SLC14A1: variants seen among roughly 807,000 people sequenced by gnomAD.
SLC14A1 encodes solute carrier family 14 member 1 (Kidd blood group).
SLC14A1 carries 36 observed loss-of-function variants against 39.6 expected under a neutral mutation model. That is an observed-to-expected ratio of 0.91 (90% CI 0.70 to 1.20). SLC14A1 has a LOEUF of 1.20. Among genes scored for constraint, SLC14A1 ranks in the 50% most tolerant of loss-of-function variants. SLC14A1 has a pLI of 0.00. For synonymous variants in SLC14A1, 164 were observed against 173.6 expected (o/e 0.94, Z 0.43); for missense variants, 469 against 478.7 (o/e 0.98, Z 0.19).
chr18:45,736,405 T>C (rs771482947), intron 5 of SLC14A1, 51 bp from the exon 6 acceptor site: 3 of 1,572,606 alleles, frequency 1.9e-6, no homozygotes, highest in Non-Finnish European at 2.6e-6. Flanking sequence ...CGATTCCGTG[T>C]GTCAGCCTGC....
chr18:45,739,090 G>A lies in SLC14A1; in HGVS notation c.664-73G>A, dbSNP rs2047280218. ...TGTCCAATCTAAAATTACATTGTAG[G>A]AGTTTGTGGGTGTCCTGTGGGTTTC... is the stretch of plus-strand genomic sequence containing the variant. On this transcript the variant is annotated intron_variant, in intron 6 of 9. Coordinates refer to ENST00000321925, the MANE Select transcript of SLC14A1 (RefSeq NM_015865.7). 3.4e-6 allele frequency: 5 copies of A among 1,458,220 alleles called. No homozygotes were observed. The East Asian group carries it at 1.1e-4, about 33-fold the overall frequency. 90.3% of individuals were successfully genotyped at this position (1,458,220 alleles called of 1,614,324 possible). A position where few individuals can be genotyped will look rare whatever the true frequency, so the allele number is the denominator to read the frequency against.
At chr18:45,733,164 G>A (rs1568034262) in intron 4 of SLC14A1, among the ~76,000 whole-genome samples, 2 of 152,256 alleles carry the variant, frequency 1.3e-5, no homozygotes, top group South Asian at 4.2e-4. Flanking sequence ...TTTGGGTGAC[G>A]AGTTCAATAG....
In SLC14A1 at chr18:45,734,254, C is replaced by G; in HGVS notation, c.342-20C>G. The G allele has an allele frequency of 6.2e-7, 1 of 1,613,776 alleles. No individual in the cohort carries two copies. The highest frequency in any genetic ancestry group is 8.5e-7 in the Non-Finnish European group (1 of 1,179,796). ...AAAGCTCACCCAGGAAATGTCCGTG[C>G]TGTGTCTCTTGCCCCACAGGTCATT... On this transcript the variant is annotated intron_variant, in intron 4 of 9. Coordinates refer to ENST00000321925, the MANE Select transcript of SLC14A1 (RefSeq NM_015865.7).
At chr18:45,736,902 CAGT>C (rs1279562507) in intron 6 of SLC14A1, among the ~76,000 whole-genome samples, 1 of 150,072 alleles carries the variant, frequency 6.7e-6, no homozygotes, top group Non-Finnish European at 1.5e-5. Context: ...CCCCAGAGTA[CAGT>C]TCCACTGGGA....
At chr18:45,734,101 C>A in intron 4 of SLC14A1, 173 bp from the exon 5 acceptor site, 1 of 771,880 alleles carries the variant, frequency 1.3e-6, no homozygotes, top group Non-Finnish European at 2.1e-6. Context: ...GTATATTTCA[C>A]TTCATGTCTT....
chr18:45,730,039 G>A (rs981814877), intron 2 of SLC14A1: 1 of 364,494 alleles, frequency 2.7e-6, no homozygotes, highest in Non-Finnish European at 5.0e-6. Flanking sequence ...CTTAGTAAAT[G>A]TTTGTTGGAC....
intron 2 of SLC14A1, chr18:45,727,053 C>T (rs1251177123): frequency 1.3e-5 from 7 of 523,722 alleles, no homozygotes; most frequent in Non-Finnish European, 2.4e-5. Flanking sequence ...CCATAGTCAG[C>T]TGCTGTCTTT....
chr18:45,744,543 A>C (rs1056497751), intron 8 of SLC14A1, among the ~76,000 whole-genome samples: 6 of 152,132 alleles, frequency 3.9e-5, no homozygotes, highest in Admixed American at 3.9e-4. Flanking sequence ...ATTCTTGTTA[A>C]AATTGATTTT....
Position 45,751,936 on chromosome 18 carries a change from G to T in SLC14A1, c.*1985G>T. 1.0e-6 allele frequency: 1 copy of T among 985,298 alleles called. No individual in the cohort carries two copies. 61.0% of individuals were successfully genotyped at this position (985,298 alleles called of 1,614,324 possible). On this transcript the variant is annotated 3_prime_UTR_variant, in exon 10 of 10. Transcript: ENST00000321925. Reference sequence around the variant, plus strand: ...TTCCACTTCTAGTTTGCAGTGCTCAGTGCACAATATACATTTTGCTGAATG... The same window carrying T: ...TTCCACTTCTAGTTTGCAGTGCTCATTGCACAATATACATTTTGCTGAATG...
At position 45,751,451 on chromosome 18, in the gene SLC14A1, G is replaced by A. The variant is rs761372170; in HGVS notation, c.*1500G>A. 39 of 984,430 alleles carry A rather than the reference G, an allele frequency of 4.0e-5. No individual in the cohort carries two copies. Among genetic ancestry groups the A allele is most frequent in the Non-Finnish European group, 4.7e-5 (39 of 829,822 alleles). 61.0% of individuals were successfully genotyped at this position (984,430 alleles called of 1,614,324 possible). ...CTTTAATTTTAAAGTTATCAGTTCC[G>A]TAAAGTCTCTGTAACCAAACATACT... On this transcript the variant is annotated 3_prime_UTR_variant, in exon 10 of 10. Coordinates refer to ENST00000321925, the MANE Select transcript of SLC14A1 (RefSeq NM_015865.7).
chr18:45,739,434 G>A (rs892583538), intron 7 of SLC14A1, 94 bp from the exon 8 acceptor site: 43 of 1,605,622 alleles, frequency 2.7e-5, no homozygotes, highest in Middle Eastern at 1.6e-4. Flanking sequence ...GGGAGTTCCC[G>A]GGATGCTTCC....
At chr18:45,741,691 C>T (rs1360224360) in intron 8 of SLC14A1, among the ~76,000 whole-genome samples, 2 of 152,202 alleles carry the variant, frequency 1.3e-5, no homozygotes, top group African/African-American at 2.4e-5. Flanking sequence ...TCTCCATATT[C>T]GTTCACAAGG....
Position 45,739,562 on chromosome 18 carries a change from C to T in SLC14A1, c.846C>T (p.Tyr282=). 1.2e-6 allele frequency: 2 copies of T among 1,614,186 alleles called. No individual in the cohort carries two copies. The highest frequency in any genetic ancestry group is 8.5e-7 in the Non-Finnish European group (1 of 1,180,016). ...LSLSAPFEDI[Y]FGLWGFNSSL... ...TTTCAGCCCCATTTGAGGACATCTACTTTGGACTCTGGGGTTTCAACAGCT... is the reference window on the plus strand; with the variant it reads ...TTTCAGCCCCATTTGAGGACATCTATTTTGGACTCTGGGGTTTCAACAGCT... The change falls in exon 8 of 10, where the codon TAC becomes TAT. Residue 282 remains tyrosine, a synonymous_variant. Coordinates refer to ENST00000321925, the MANE Select transcript of SLC14A1 (RefSeq NM_015865.7).
chr18:45,741,574 A>G (rs150014172), intron 8 of SLC14A1, among the ~76,000 whole-genome samples: 30 of 134,050 alleles, frequency 2.2e-4, no homozygotes, highest in Non-Finnish European at 3.7e-4. Context: ...AGCAAGGGTA[A>G]CATAACTCAG....
chr18:45,731,285 AC>A (rs1329920038), intron 4 of SLC14A1, 81 bp downstream of exon 4: 7 of 1,308,792 alleles, frequency 5.3e-6, no homozygotes, highest in Non-Finnish European at 7.7e-6. Context: ...CAGTGATAAA[AC>A]CACATCCTTC....
intron 8 of SLC14A1, chr18:45,741,126 T>G (rs758932983): frequency 3.3e-5 from 5 of 152,258 alleles, no homozygotes; most frequent in Admixed American, 6.5e-5. Context: ...CCCACCGCAC[T>G]CCTCTGCTTC....
rs980522951 is a variant in SLC14A1, at chr18:45,750,405, CT to C, written c.*463del. The C allele has an allele frequency of 9.1e-5, 97 of 1,070,696 alleles. No homozygotes were observed. The highest frequency in any genetic ancestry group is 4.0e-4 in the East Asian group (5 of 12,574). The allele number at this position is 1,070,696 out of a possible 1,614,324, so 66.3% of individuals were successfully genotyped here. ...CAGAATTCTGTGATAAGCAGCTTGG[CT>C]TTTTTTTTAAATCAATGCAAGTTAC... On this transcript the variant is annotated 3_prime_UTR_variant, in exon 10 of 10. Transcript: ENST00000321925.
At chr18:45,725,301 T>C (rs1462006334) in intron 2 of SLC14A1, among the ~76,000 whole-genome samples, 1 of 152,230 alleles carries the variant, frequency 6.6e-6, no homozygotes, top group Non-Finnish European at 1.5e-5. Context: ...ATTTTACTAG[T>C]GATCTGGGGT....
chr18:45,735,906 C>T (rs528261356), intron 5 of SLC14A1, among the ~76,000 whole-genome samples: 7 of 152,322 alleles, frequency 4.6e-5, no homozygotes, highest in Admixed American at 2.6e-4. Flanking sequence ...TAAGGAGATG[C>T]GCCTTGCCTA....
Sources: allele counts gnomAD v4.1 joint callset (sites outside exome capture counted in the v4.1 genomes callset), GRCh38; gene constraint gnomAD v4.1.1; transcripts MANE v1.5; gene names NCBI Gene and HGNC (gene_info 2026-07-23, HGNC 2026-07-21).